Variants in SPTLC3 observed in about 807,000 individuals in gnomAD.
SPTLC3 encodes serine palmitoyltransferase 3.
SPTLC3 carries 36 observed loss-of-function variants against 59.3 expected under a neutral mutation model. That is an observed-to-expected ratio of 0.61 (90% CI 0.47 to 0.80). SPTLC3 has a LOEUF of 0.80. Among genes scored for constraint, SPTLC3 ranks in the 30% least tolerant of loss-of-function variants. The probability of loss-of-function intolerance (pLI) is 0.00; values close to 1 mark genes in which losing one functional copy is unlikely to be tolerated. For synonymous variants in SPTLC3, 257 were observed against 240.8 expected (o/e 1.07, Z -0.62); for missense variants, 625 against 685.1 (o/e 0.91, Z 0.98).
chr20:13,101,514 A>C (rs1989599772), intron 6 of SPTLC3, among the ~76,000 whole-genome samples: 1 of 151,964 alleles, frequency 6.6e-6, no homozygotes, highest in South Asian at 2.1e-4. Context: ...ATCTCTTTGC[A>C]TTTTCTACTG....
intron 10 of SPTLC3, among the ~76,000 whole-genome samples, chr20:13,157,260 T>C (rs1268506877): frequency 8.6e-6 from 1 of 116,930 alleles, no homozygotes; most frequent in African/African-American, 3.4e-5. Flanking sequence ...CAACCCTGTT[T>C]CTACTAAAAG....
intron 6 of SPTLC3, among the ~76,000 whole-genome samples, chr20:13,103,412 G>C (rs1162802092): frequency 6.6e-6 from 1 of 152,148 alleles, no homozygotes; most frequent in East Asian, 1.9e-4. Context: ...AGGAATAAGA[G>C]GAGTGGATAT....
At chr20:13,092,928 A>G (rs1457607127) in intron 5 of SPTLC3, among the ~76,000 whole-genome samples, 1 of 152,174 alleles carries the variant, frequency 6.6e-6, no homozygotes, top group Non-Finnish European at 1.5e-5. Context: ...GGCTGACTTT[A>G]TCCACATACC....
rs16993761 is a variant in SPTLC3 at position 13,088,146 on chromosome 20, C to T, written c.608-2937C>T. 5.3e-3 allele frequency among the ~76,000 whole-genome samples: 800 copies of T among 152,252 alleles called. 8 individuals are homozygous for T. The South Asian group carries it at 0.057, about 11-fold the overall frequency. ...TGGGAAGAAGCCTCTTTTAGGTAAA[C>T]GCGTATCTGGCAAATGATATGCCCA... On this transcript the variant is annotated intron_variant, in intron 4 of 11. Transcript: ENST00000399002.
intron 7 of SPTLC3, among the ~76,000 whole-genome samples, chr20:13,114,333 T>C (rs1382104988): frequency 1.3e-5 from 2 of 152,240 alleles, no homozygotes; most frequent in Non-Finnish European, 2.9e-5. Flanking sequence ...CATTTTCTAA[T>C]TTCATGTCTC....
At chr20:13,055,838 G>A (rs1431317377) in intron 2 of SPTLC3, among the ~76,000 whole-genome samples, 1 of 152,102 alleles carries the variant, frequency 6.6e-6, no homozygotes, top group East Asian at 1.9e-4. Context: ...GGAAAGAGGG[G>A]ATGGAGTGAG....
chr20:13,105,019 C>T (rs759971201), intron 6 of SPTLC3, among the ~76,000 whole-genome samples: 25 of 151,948 alleles, frequency 1.6e-4, no homozygotes, highest in Admixed American at 8.5e-4. Context: ...AAAAAAAATC[C>T]CTTGCAGATG....
At chr20:13,158,407 G>A (rs1181952223) in intron 10 of SPTLC3, among the ~76,000 whole-genome samples, 2 of 152,114 alleles carry the variant, frequency 1.3e-5, no homozygotes, top group South Asian at 2.1e-4. Context: ...CATATATTTT[G>A]CCCTGCATTC....
At chr20:13,013,980 G>T (rs1985390114) in intron 1 of SPTLC3, among the ~76,000 whole-genome samples, 1 of 152,146 alleles carries the variant, frequency 6.6e-6, no homozygotes. Flanking sequence ...AAAGCACCTT[G>T]TGTCTACTTC....
chr20:13,042,830 C>T (rs1037321985), intron 1 of SPTLC3, among the ~76,000 whole-genome samples: 2 of 152,124 alleles, frequency 1.3e-5, no homozygotes, highest in Non-Finnish European at 2.9e-5. Flanking sequence ...AATATTTCTT[C>T]ATTTGTTATA....
intron 4 of SPTLC3, among the ~76,000 whole-genome samples, chr20:13,087,351 G>C (rs1989037500): frequency 6.6e-6 from 1 of 152,198 alleles, no homozygotes; most frequent in Admixed American, 6.5e-5. Context: ...GCACTTCTGG[G>C]TGACTGGGCC....
chr20:13,125,817 A>G (rs1300050388), intron 8 of SPTLC3, among the ~76,000 whole-genome samples: 1 of 152,206 alleles, frequency 6.6e-6, no homozygotes. Context: ...CCTCTGCCAT[A>G]TATTACTGAA....
intron 9 of SPTLC3, among the ~76,000 whole-genome samples, chr20:13,153,782 G>A (rs958742191): frequency 6.6e-5 from 10 of 152,060 alleles, no homozygotes; most frequent in Admixed American, 3.3e-4. Flanking sequence ...GCAGCACCTC[G>A]TAGAACCCTC....
At position 13,126,534 on chromosome 20, in the gene SPTLC3, C is replaced by T. The variant is rs2122794079; in HGVS notation, c.1153-57C>T. 1.9e-6 allele frequency: 3 copies of T among 1,596,544 alleles called. No homozygotes were observed. The East Asian group carries it at 6.7e-5, about 36-fold the overall frequency. On this transcript the variant is annotated intron_variant, in intron 8 of 11. Transcript: ENST00000399002. ...TAGGGATGGGACTAGATGTAATTCC[C>T]ACCACCAGTGTTGAGATTTATTTGC...
chr20:13,140,945 A>G (rs536595072), intron 9 of SPTLC3, among the ~76,000 whole-genome samples: 33 of 152,296 alleles, frequency 2.2e-4, no homozygotes, highest in African/African-American at 7.2e-4. Flanking sequence ...CCTCTAACCC[A>G]ATGTGGACTG....
At chr20:13,032,255 G>A (rs1238063686) in intron 1 of SPTLC3, among the ~76,000 whole-genome samples, 1 of 152,176 alleles carries the variant, frequency 6.6e-6, no homozygotes, top group Non-Finnish European at 1.5e-5. Context: ...GGATGGTGAA[G>A]GATAGCCACT....
At chr20:13,142,026 G>C (rs2038395317) in intron 9 of SPTLC3, among the ~76,000 whole-genome samples, 1 of 152,188 alleles carries the variant, frequency 6.6e-6, no homozygotes, top group Non-Finnish European at 1.5e-5. Flanking sequence ...CTAGTTAAGA[G>C]GGAAAGTTTG....
intron 9 of SPTLC3, among the ~76,000 whole-genome samples, chr20:13,141,715 G>A (rs2038387565): frequency 6.6e-6 from 1 of 152,216 alleles, no homozygotes; most frequent in Non-Finnish European, 1.5e-5. Flanking sequence ...CTGAGGGCAT[G>A]GAGAGCTGCA....
At chr20:13,099,050 A>G (rs995475996) in intron 6 of SPTLC3, among the ~76,000 whole-genome samples, 5 of 152,128 alleles carry the variant, frequency 3.3e-5, no homozygotes, top group African/African-American at 1.2e-4. Context: ...CAGAACCTAC[A>G]AACATTATGT....
Sources: gnomAD v4.1 joint callset for allele counts (sites outside exome capture counted in the v4.1 genomes callset) on GRCh38, gnomAD v4.1.1 for gene constraint, MANE v1.5 for transcripts, NCBI Gene and HGNC (gene_info 2026-07-23, HGNC 2026-07-21) for gene names.